The following KIRREL3 variants were observed in gnomAD, a reference collection of about 807,000 sequenced individuals.
KIRREL3 encodes kirre like nephrin family adhesion molecule 3.
A neutral mutation model predicts 89.7 loss-of-function variants in KIRREL3; 36 were observed. That is an observed-to-expected ratio of 0.40 (90% CI 0.31 to 0.53). The LOEUF (loss-of-function observed/expected upper bound fraction) is 0.53, where lower values mean the gene tolerates loss of function less well. Ranked by LOEUF, KIRREL3 falls within the 20% of genes least tolerant of loss-of-function variation. KIRREL3 has a pLI of 0.49. For synonymous variants in KIRREL3, 445 were observed against 441.4 expected (o/e 1.01, Z -0.10); for missense variants, 864 against 1,056.6 (o/e 0.82, Z 2.53).
At chr11:126,753,829 A>G (rs925578288) in intron 1 of KIRREL3, among the ~76,000 whole-genome samples, 2 of 152,216 alleles carry the variant, frequency 1.3e-5, no homozygotes, top group African/African-American at 2.4e-5. Flanking sequence ...GGCTCCATGC[A>G]TCTTCATTAC....
At position 126,430,202 on chromosome 11, in the gene KIRREL3, T is replaced by C. The variant is rs1267712710; in HGVS notation, c.1697-914A>G. On this transcript the variant is annotated intron_variant, in intron 14 of 16. Coordinates refer to ENST00000525144, the MANE Select transcript of KIRREL3 (RefSeq NM_032531.4). This position sits in a 1 kb window ranked among gnomAD's most constrained non-coding sequence, Gnocchi z 6.6. ...GCTCACGCCTGTAATCCCAGCACATTGGGAGGCCGAGGAAGGCGGACCACT... is the reference window on the plus strand; with the variant it reads ...GCTCACGCCTGTAATCCCAGCACATCGGGAGGCCGAGGAAGGCGGACCACT... Among the ~76,000 whole-genome samples, 1 of 151,388 alleles carries C rather than the reference T, an allele frequency of 6.6e-6. No homozygotes were observed. Among genetic ancestry groups the C allele is most frequent in the Non-Finnish European group, 1.5e-5 (1 of 67,958 alleles).
chr11:126,742,924 CA>C lies in KIRREL3; in HGVS notation c.56-180013del, dbSNP rs1949027793. Among the ~76,000 whole-genome samples the C allele has an allele frequency of 6.6e-6, 1 of 152,188 alleles. No homozygotes were observed. The highest frequency in any genetic ancestry group is 2.4e-5 in the African/African-American group (1 of 41,452). On this transcript the variant is annotated intron_variant, in intron 1 of 16. Coordinates refer to ENST00000525144, the MANE Select transcript of KIRREL3 (RefSeq NM_032531.4). The surrounding 1 kb of genome is among the most constrained non-coding windows in gnomAD (Gnocchi z 5.3). The stretch of plus-strand genomic sequence containing the variant: ...ACCCAATAACCAGGCACTTTCAGGT[CA>C]AAAACTTGGTTTGCTGTGGTTTGGA...
intron 1 of KIRREL3, among the ~76,000 whole-genome samples, chr11:126,871,240 C>G (rs1313672931): frequency 1.3e-5 from 2 of 152,106 alleles, no homozygotes; most frequent in African/African-American, 2.4e-5. Context: ...TAAGTGACTC[C>G]CCCTCACCGC....
At position 126,474,147 on chromosome 11, in the gene KIRREL3, C is replaced by G. The variant is rs1038256365; in HGVS notation, c.434-681G>C. ...TATTTTTAGTAGAGATGGGGTTTCA[C>G]CATGTTGGCCAGGCTGGTCTCGAAC... On this transcript the variant is annotated intron_variant, in intron 4 of 16. Coordinates refer to ENST00000525144, the MANE Select transcript of KIRREL3 (RefSeq NM_032531.4). This position sits in a 1 kb window ranked among gnomAD's most constrained non-coding sequence, Gnocchi z 6.7. Among the ~76,000 whole-genome samples, 1 of 151,324 alleles carries G rather than the reference C, an allele frequency of 6.6e-6. No individual in the cohort carries two copies. Among genetic ancestry groups the G allele is most frequent in the Non-Finnish European group, 1.5e-5 (1 of 67,842 alleles).
chr11:126,804,134 C>G (rs1186120128), intron 1 of KIRREL3, among the ~76,000 whole-genome samples: 1 of 152,180 alleles, frequency 6.6e-6, no homozygotes, highest in African/African-American at 2.4e-5. Context: ...ATGTGAGGTA[C>G]AGTTTATATC....
In KIRREL3 at chr11:126,516,203, G is replaced by A. The variant is rs751616203; in HGVS notation, c.433+5112C>T. Among the ~76,000 whole-genome samples, 1 of 152,148 alleles carries A rather than the reference G, an allele frequency of 6.6e-6. No individual in the cohort carries two copies. Among genetic ancestry groups the A allele is most frequent in the Non-Finnish European group, 1.5e-5 (1 of 68,038 alleles). ...TGCCCTCTTTATTTGAATTGACTTA[G>A]TCTCCCTCTTAAATAATTCATGTTG... On this transcript the variant is annotated intron_variant, in intron 4 of 16. Coordinates refer to ENST00000525144, the MANE Select transcript of KIRREL3 (RefSeq NM_032531.4). The surrounding 1 kb of genome is among the most constrained non-coding windows in gnomAD (Gnocchi z 4.9).
At position 126,611,365 on chromosome 11, in the gene KIRREL3, A is replaced by G. The variant is rs1024154077; in HGVS notation, c.56-48453T>C. On this transcript the variant is annotated intron_variant, in intron 1 of 16. Transcript: ENST00000525144. The surrounding 1 kb of genome is among the most constrained non-coding windows in gnomAD (Gnocchi z 4.7). ...GAGAGATCATGACTTTTGTAGAACT[A>G]GGCTGCTTTCACTCTTTGAGGGTGG... 6.6e-6 allele frequency among the ~76,000 whole-genome samples: 1 copy of G among 152,092 alleles called. No homozygotes were observed. The highest frequency in any genetic ancestry group is 2.4e-5 in the African/African-American group (1 of 41,408).
intron 1 of KIRREL3, among the ~76,000 whole-genome samples, chr11:126,602,349 G>A (rs926579618): frequency 2.0e-5 from 3 of 152,184 alleles, no homozygotes; most frequent in Non-Finnish European, 4.4e-5. Context: ...TCTCCCAGAA[G>A]TCTGGCCTCT....
intron 1 of KIRREL3, among the ~76,000 whole-genome samples, chr11:126,746,835 G>A (rs755961239): frequency 2.6e-5 from 4 of 152,116 alleles, no homozygotes; most frequent in African/African-American, 4.8e-5. Flanking sequence ...AAGAACCTGC[G>A]GAGCTCCTCA....
At chr11:126,488,456 C>G (rs937662074) in intron 4 of KIRREL3, among the ~76,000 whole-genome samples, 1 of 152,232 alleles carries the variant, frequency 6.6e-6, no homozygotes, top group African/African-American at 2.4e-5. Context: ...GTAGTAGGTC[C>G]GCAGTCGTGG....
intron 1 of KIRREL3, among the ~76,000 whole-genome samples, chr11:126,598,215 C>G (rs1286307958): frequency 6.6e-6 from 1 of 152,192 alleles, no homozygotes; most frequent in African/African-American, 2.4e-5. Context: ...ACATTTTGTT[C>G]ATGTTTGCAA....
In KIRREL3 at chr11:126,521,724, G is replaced by C. The variant is rs1958602854; in HGVS notation, c.284-260C>G. On this transcript the variant is annotated intron_variant, in intron 3 of 16. Transcript: ENST00000525144. The surrounding 1 kb of genome is among the most constrained non-coding windows in gnomAD (Gnocchi z 4.1). The stretch of plus-strand genomic sequence containing the variant: ...TGTGTGTGTGTGTGTGTGTGTGTGT[G>C]TGTGTGTATAAGGGCATTTGGTCTG... Among the ~76,000 whole-genome samples the C allele has an allele frequency of 1.2e-5, 1 of 85,478 alleles. No homozygotes were observed. The highest frequency in any genetic ancestry group is 5.0e-5 in the African/African-American group (1 of 19,858). 56.1% of individuals were successfully genotyped at this position (85,478 alleles called of 152,430 possible).
At chr11:126,901,999 C>T (rs1312871824) in intron 1 of KIRREL3, among the ~76,000 whole-genome samples, 1 of 152,174 alleles carries the variant, frequency 6.6e-6, no homozygotes, top group Non-Finnish European at 1.5e-5. Flanking sequence ...CTGGGCCCTG[C>T]CTCTCCACTC....
intron 1 of KIRREL3, among the ~76,000 whole-genome samples, chr11:126,657,735 C>A (rs984142144): frequency 6.6e-6 from 1 of 152,146 alleles, no homozygotes; most frequent in East Asian, 1.9e-4. Context: ...TCTGGGTGGA[C>A]CTGCGCAACT....
At position 126,666,013 on chromosome 11, in the gene KIRREL3, A is replaced by G. The variant is rs1475385290; in HGVS notation, c.56-103101T>C. 6.6e-6 allele frequency among the ~76,000 whole-genome samples: 1 copy of G among 152,210 alleles called. No homozygotes were observed. The highest frequency in any genetic ancestry group is 1.5e-5 in the Non-Finnish European group (1 of 68,030). ...GTCTAAAGCGTTGTTGCTATTAATGAATCAGAAAGCCTGGAACTATGATCT... is the reference window on the plus strand; with the variant it reads ...GTCTAAAGCGTTGTTGCTATTAATGGATCAGAAAGCCTGGAACTATGATCT... On this transcript the variant is annotated intron_variant, in intron 1 of 16. Transcript: ENST00000525144. This position sits in a 1 kb window ranked among gnomAD's most constrained non-coding sequence, Gnocchi z 4.2.
At chr11:126,926,833 T>C (rs1032817816) in intron 1 of KIRREL3, among the ~76,000 whole-genome samples, 4 of 152,224 alleles carry the variant, frequency 2.6e-5, no homozygotes, top group Admixed American at 1.3e-4. Flanking sequence ...CAGAAGTTTT[T>C]CTAATCGCTA....
At chr11:126,841,316 G>A (rs1943954584) in intron 1 of KIRREL3, among the ~76,000 whole-genome samples, 1 of 152,162 alleles carries the variant, frequency 6.6e-6, no homozygotes, top group African/African-American at 2.4e-5. Context: ...AGCCTTGTCT[G>A]AGCTCCCTAG....
Position 126,627,279 on chromosome 11 carries a change from TG to T in KIRREL3, c.56-64368del, listed in dbSNP as rs1292773700. ...GTGGCTGTAGGATGCTGAGGATTCCTGGGGGAGATGAGGAAGGAGACAGAGG... is the reference window on the plus strand; with the variant it reads ...GTGGCTGTAGGATGCTGAGGATTCCTGGGGAGATGAGGAAGGAGACAGAGG... On this transcript the variant is annotated intron_variant, in intron 1 of 16. Coordinates refer to ENST00000525144, the MANE Select transcript of KIRREL3 (RefSeq NM_032531.4). This position sits in a 1 kb window ranked among gnomAD's most constrained non-coding sequence, Gnocchi z 5.0. Among the ~76,000 whole-genome samples the T allele has an allele frequency of 6.6e-6, 1 of 152,128 alleles. No individual in the cohort carries two copies. The highest frequency in any genetic ancestry group is 6.6e-5 in the Admixed American group (1 of 15,264).
chr11:126,585,641 T>G (rs540634907), intron 1 of KIRREL3, among the ~76,000 whole-genome samples: 1 of 152,364 alleles, frequency 6.6e-6, no homozygotes, highest in East Asian at 1.9e-4. Context: ...ATAGGAAAAC[T>G]GCTTAGGGTT....
Sources: allele counts gnomAD v4.1 joint callset (sites outside exome capture counted in the v4.1 genomes callset), GRCh38; gene constraint gnomAD v4.1.1; non-coding constraint Gnocchi (gnomAD v3.1); transcripts MANE v1.5; gene names NCBI Gene and HGNC (gene_info 2026-07-23, HGNC 2026-07-21).